Variants in LHX6 observed in about 807,000 individuals in gnomAD.
LHX6 encodes the protein LIM/homeobox protein Lhx6.
LHX6 carries 15 observed loss-of-function variants against 47.1 expected under a neutral mutation model. The ratio of observed to expected loss-of-function variants is 0.32; its 90% CI spans 0.21 to 0.49. LHX6 has a LOEUF of 0.49. Among genes scored for constraint, LHX6 ranks in the 20% least tolerant of loss-of-function variants. The pLI, the probability that LHX6 is intolerant of heterozygous loss-of-function variation, is 0.99. For synonymous variants in LHX6, 242 were observed against 233.5 expected (o/e 1.04, Z -0.33); for missense variants, 404 against 539.6 (o/e 0.75, Z 2.49).
Position 122,213,638 on chromosome 9 carries a change from G to T in LHX6, c.1022C>A (p.Ala341Glu). ...HYTPFSSPERARMVTLHGYIE... is the reference protein window; with the variant it reads ...HYTPFSSPERERMVTLHGYIE... ...GTAGCCGTGCAGGGTGACCATGCGC[G>T]CCCGCTCGGGGCTGCTGAACGGGGT... is the stretch of plus-strand genomic sequence containing the variant. Residue 341 changes from alanine (A) to glutamate (E), a missense_variant, in exon 8 of 10, where the codon GCG becomes GAG. This residue lies in a region of LHX6 where 127 missense variants were observed against 116.1 expected (regional missense o/e 1.09). Transcript: ENST00000394319. The surrounding 1 kb of genome is among the most constrained non-coding windows in gnomAD (Gnocchi z 5.5). 6.2e-7 allele frequency: 1 copy of T among 1,607,178 alleles called. No homozygotes were observed.
At chr9:122,210,200 G>A (rs1830350865) in intron 8 of LHX6, among the ~76,000 whole-genome samples, 1 of 149,834 alleles carries the variant, frequency 6.7e-6, no homozygotes, top group Non-Finnish European at 1.5e-5. Context: ...TTACAGGCAT[G>A]AGCCACCGTG....
At chr9:122,224,469 AT>A (rs1230974456) in intron 4 of LHX6, among the ~76,000 whole-genome samples, 1 of 151,868 alleles carries the variant, frequency 6.6e-6, no homozygotes, top group East Asian at 1.9e-4. Context: ...GTTACACACC[AT>A]TAACCCCTGT....
In LHX6 at chr9:122,214,252, C is replaced by A. The variant is rs1488901700; in HGVS notation, c.783+31G>T. 2 of 1,542,348 alleles carry A rather than the reference C, an allele frequency of 1.3e-6. No homozygotes were observed. The highest frequency in any genetic ancestry group is 1.4e-5 in the African/African-American group (1 of 71,064). On this transcript the variant is annotated intron_variant, in intron 6 of 9. Transcript: ENST00000394319. This position sits in a 1 kb window ranked among gnomAD's most constrained non-coding sequence, Gnocchi z 4.6. ...CCCCGCCCACTTTCGGCCCGGCCCCCGCCCCCGCCGCCCACTGCTTGCAGC... is the reference window on the plus strand; with the variant it reads ...CCCCGCCCACTTTCGGCCCGGCCCCAGCCCCCGCCGCCCACTGCTTGCAGC...
Position 122,228,909 on chromosome 9 carries a change from C to T in LHX6, c.-169G>A, listed in dbSNP as rs1302910046. 13 of 263,370 alleles carry T rather than the reference C, an allele frequency of 4.9e-5. No individual in the cohort carries two copies. The highest frequency in any genetic ancestry group is 4.0e-4 in the East Asian group (4 of 9,910). 16.3% of individuals were successfully genotyped at this position (263,370 alleles called of 1,614,324 possible). On this transcript the variant is annotated 5_prime_UTR_variant, in exon 1 of 10. Coordinates refer to ENST00000394319, the MANE Select transcript of LHX6 (RefSeq NM_014368.5). Reference sequence around the variant, plus strand: ...CCCCCGCCCCCGGCCCGCGCGCAGCCCCGGCCTCCCTGGCTGCTGCCGCCG... The same window carrying T: ...CCCCCGCCCCCGGCCCGCGCGCAGCTCCGGCCTCCCTGGCTGCTGCCGCCG...
rs1415134971 is a variant in LHX6 at position 122,221,645 on chromosome 9, C to A, written c.462-4357G>T. ...TGTCAGAAGGCAGGAGGGCCAGGGA[C>A]CGCAGTGACCTGATATTGACAAAGG... On this transcript the variant is annotated intron_variant, in intron 4 of 9. Transcript: ENST00000394319. 4 of 985,396 alleles carry A rather than the reference C, an allele frequency of 4.1e-6. No individual in the cohort carries two copies. The East Asian group carries it at 4.5e-4, about 112-fold the overall frequency. 61.0% of individuals were successfully genotyped at this position (985,396 alleles called of 1,614,324 possible). A position where few individuals can be genotyped will look rare whatever the true frequency, so the allele number is the denominator to read the frequency against.
chr9:122,209,475 G>T, intron 9 of LHX6, 139 bp downstream of exon 9: 1 of 1,281,450 alleles, frequency 7.8e-7, no homozygotes, highest in Non-Finnish European at 1.1e-6. Context: ...GTGGGGGTGC[G>T]GTGGGGGTCT....
intron 8 of LHX6, among the ~76,000 whole-genome samples, chr9:122,210,972 CT>C (rs1378302751): frequency 6.6e-6 from 1 of 152,190 alleles, no homozygotes; most frequent in Non-Finnish European, 1.5e-5. Flanking sequence ...GATTCTAGAT[CT>C]TTGTGGATTT....
intron 4 of LHX6, among the ~76,000 whole-genome samples, chr9:122,222,892 C>G (rs2118899687): frequency 6.6e-6 from 1 of 152,326 alleles, no homozygotes; most frequent in East Asian, 1.9e-4. Flanking sequence ...AGCTCTTGGC[C>G]TCTCTTTGGG....
intron 4 of LHX6, among the ~76,000 whole-genome samples, chr9:122,224,117 T>A (rs1830990784): frequency 6.6e-6 from 1 of 152,186 alleles, no homozygotes; most frequent in Non-Finnish European, 1.5e-5. Context: ...AATGTCCGCC[T>A]CCCAGGTTCA....
chr9:122,217,398 C>T lies in LHX6; in HGVS notation c.462-110G>A. 1 of 798,682 alleles carries T rather than the reference C, an allele frequency of 1.3e-6. No homozygotes were observed. Among genetic ancestry groups the T allele is most frequent in the East Asian group, 2.7e-5 (1 of 37,288 alleles). 49.5% of individuals were successfully genotyped at this position (798,682 alleles called of 1,614,324 possible). ...CCCAGGCTCCTGGCCTCTAAGTCTTCAACTCAGGCATTAGCCTTAGCTTGG... is the reference window on the plus strand; with the variant it reads ...CCCAGGCTCCTGGCCTCTAAGTCTTTAACTCAGGCATTAGCCTTAGCTTGG... On this transcript the variant is annotated intron_variant, in intron 4 of 9. Coordinates refer to ENST00000394319, the MANE Select transcript of LHX6 (RefSeq NM_014368.5). This position sits in a 1 kb window ranked among gnomAD's most constrained non-coding sequence, Gnocchi z 4.9.
Position 122,226,687 on chromosome 9 carries a change from C to T in LHX6, c.339+161G>A. The T allele has an allele frequency of 8.2e-7, 1 of 1,213,154 alleles. No homozygotes were observed. 75.1% of individuals were successfully genotyped at this position (1,213,154 alleles called of 1,614,324 possible). On this transcript the variant is annotated intron_variant, in intron 3 of 9. Coordinates refer to ENST00000394319, the MANE Select transcript of LHX6 (RefSeq NM_014368.5). The surrounding 1 kb of genome is among the most constrained non-coding windows in gnomAD (Gnocchi z 6.5). ...ACTCTTCTTATTTTTCAGACGGAAC[C>T]CGGGGGCTCAGGCAGACCCTAAGTC...
intron 1 of LHX6, chr9:122,228,283 C>A (rs1407214670): frequency 1.3e-6 from 2 of 1,535,134 alleles, no homozygotes; most frequent in Admixed American, 2.0e-5. Flanking sequence ...AAAGCACCCT[C>A]CAGCCCCTCG....
Position 122,228,318 on chromosome 9 carries a change from C to A in LHX6, c.84+339G>T. 2.6e-6 allele frequency: 4 copies of A among 1,534,790 alleles called. No homozygotes were observed. The South Asian group carries it at 4.8e-5, about 18-fold the overall frequency. On this transcript the variant is annotated intron_variant, in intron 1 of 9. Transcript: ENST00000394319. ...GGCGCGCCGGGTACCGGCCCCGCGT[C>A]GGGATTCTCAGCGCTGCGCCGGCAC...
At chr9:122,206,782 A>C (rs917760309) in intron 9 of LHX6, among the ~76,000 whole-genome samples, 3 of 151,964 alleles carry the variant, frequency 2.0e-5, no homozygotes, top group African/African-American at 7.3e-5. Flanking sequence ...TCTTTCCATG[A>C]TCCTTTGTTC....
At chr9:122,218,998 T>G in intron 4 of LHX6, among the ~76,000 whole-genome samples, 1 of 151,894 alleles carries the variant, frequency 6.6e-6, no homozygotes, top group Non-Finnish European at 1.5e-5. Context: ...GGTCCCGGGG[T>G]TGGGTGTGGG....
In LHX6 at chr9:122,214,769, G is replaced by A. The variant is rs1220635955; in HGVS notation, c.683-386C>T. ...CTGGCGAAACTGGGGGACACCAAAG[G>A]CTAGAGGAGATAGGAAGCAAGCAAG... On this transcript the variant is annotated intron_variant, in intron 5 of 9. Coordinates refer to ENST00000394319, the MANE Select transcript of LHX6 (RefSeq NM_014368.5). The surrounding 1 kb of genome is among the most constrained non-coding windows in gnomAD (Gnocchi z 4.6). 6.6e-6 allele frequency among the ~76,000 whole-genome samples: 1 copy of A among 152,120 alleles called. No individual in the cohort carries two copies. The highest frequency in any genetic ancestry group is 2.4e-5 in the African/African-American group (1 of 41,390).
rs189936675 is a variant in LHX6 at position 122,226,628 on chromosome 9, C to T, written c.340-131G>A. 30 of 1,369,290 alleles carry T rather than the reference C, an allele frequency of 2.2e-5. No individual in the cohort carries two copies. Among genetic ancestry groups the T allele is most frequent in the Non-Finnish European group, 3.0e-6 (3 of 1,011,546 alleles). 84.8% of individuals were successfully genotyped at this position (1,369,290 alleles called of 1,614,324 possible). Reference sequence around the variant, plus strand: ...GTGCATGCGATTCCCCTATTTTTCTCCCGTAATACTGAGACTCAGGGAAAT... The same window carrying T: ...GTGCATGCGATTCCCCTATTTTTCTTCCGTAATACTGAGACTCAGGGAAAT... On this transcript the variant is annotated intron_variant, in intron 3 of 9. Transcript: ENST00000394319. The surrounding 1 kb of genome is among the most constrained non-coding windows in gnomAD (Gnocchi z 6.5).
In LHX6 at chr9:122,217,364, C is replaced by T; in HGVS notation, c.462-76G>A. On this transcript the variant is annotated intron_variant, in intron 4 of 9. Coordinates refer to ENST00000394319, the MANE Select transcript of LHX6 (RefSeq NM_014368.5). This position sits in a 1 kb window ranked among gnomAD's most constrained non-coding sequence, Gnocchi z 4.9. ...CTTCCTCCTTCCACCACCCAATGGC[C>T]CGCCAGCCCCCAGGCTCCTGGCCTC... 8.1e-7 allele frequency: 1 copy of T among 1,228,206 alleles called. No homozygotes were observed. The highest frequency in any genetic ancestry group is 1.1e-6 in the Non-Finnish European group (1 of 881,416). 76.1% of individuals were successfully genotyped at this position (1,228,206 alleles called of 1,614,324 possible).
Position 122,228,669 on chromosome 9 carries a change from G to A in LHX6, c.72C>T (p.Pro24=). ...TTCGCCGGCTCACCTGGTCGGTGGCGGGGCCGCCCTCGGCCGGCAGCCGGC... is the reference window on the plus strand; with the variant it reads ...TTCGCCGGCTCACCTGGTCGGTGGCAGGGCCGCCCTCGGCCGGCAGCCGGC... The part of the protein sequence containing the change: ...EGCRLPAEGG[P]ATDQVMAQPG... Residue 24 remains proline, a synonymous_variant, in exon 1 of 10, where the codon CCC becomes CCT. Coordinates refer to ENST00000394319, the MANE Select transcript of LHX6 (RefSeq NM_014368.5). 7.7e-7 allele frequency: 1 copy of A among 1,290,442 alleles called. No homozygotes were observed. The highest frequency in any genetic ancestry group is 9.8e-7 in the Non-Finnish European group (1 of 1,020,270). 79.9% of individuals were successfully genotyped at this position (1,290,442 alleles called of 1,614,324 possible). A position where few individuals can be genotyped will look rare whatever the true frequency, so the allele number is the denominator to read the frequency against.
Sources: gnomAD v4.1 joint callset for allele counts (sites outside exome capture counted in the v4.1 genomes callset) on GRCh38, gnomAD v4.1.1 for gene constraint, gnomAD v4.1.1 regional missense constraint, Gnocchi (gnomAD v3.1) non-coding constraint, MANE v1.5 for transcripts, NCBI Gene and HGNC (gene_info 2026-07-23, HGNC 2026-07-21) for gene names.